FOXP1: variants seen among roughly 807,000 people sequenced by gnomAD.
The protein encoded by FOXP1 is forkhead box protein P1.
In FOXP1, 15 loss-of-function variants were observed where a neutral mutation model predicts 98.2. The observed-to-expected ratio is 0.15, with a 90% CI of 0.10 to 0.24. The LOEUF (loss-of-function observed/expected upper bound fraction) is 0.24. Among genes scored for constraint, FOXP1 ranks in the 10% least tolerant of loss-of-function variants. The pLI is 1.00. For missense variants in FOXP1, 633 were observed against 848.5 expected, an observed-to-expected ratio of 0.75 and a Z score of 3.15; for synonymous variants, 371 against 314.5, an observed-to-expected ratio of 1.18 and a Z score of -1.90.
intron 7 of FOXP1, among the ~76,000 whole-genome samples, chr3:71,076,005 C>T (rs1371165117): frequency 1.3e-5 from 2 of 152,192 alleles, no homozygotes; most frequent in African/African-American, 4.8e-5. Context: ...CAGGAGTGAG[C>T]CATTGTGCCA....
rs1176882078 is a variant in FOXP1 at position 71,047,020 on chromosome 3, G to A, written c.586C>T (p.Leu196Phe). ...AGGCCTTGGCGCTGCAAAGACAGGA[G>A]GTGCTGCTGCTGTAACTGCTGCATC... Reference protein sequence around the residue: ...LQMQQLQQQHLLSLQRQGLLT... With the variant: ...LQMQQLQQQHFLSLQRQGLLT... The change falls in exon 10 of 21, where the codon CTC becomes TTC. Residue 196 changes from leucine (L) to phenylalanine (F), a missense_variant. Leu to Phe is a conservative substitution (Grantham distance 22). This residue lies in a region of FOXP1 where 210 missense variants were observed against 270.6 expected (regional missense o/e 0.78). Transcript: ENST00000649528. 2 of 1,614,128 alleles carry A rather than the reference G, an allele frequency of 1.2e-6. No individual in the cohort carries two copies. The highest frequency in any genetic ancestry group is 2.7e-5 in the African/African-American group (2 of 75,028).
intron 6 of FOXP1, among the ~76,000 whole-genome samples, chr3:71,122,555 A>G (rs938328371): frequency 6.6e-6 from 1 of 152,230 alleles, no homozygotes; most frequent in African/African-American, 2.4e-5. Flanking sequence ...CAAGTGCAGC[A>G]TAACTTCCCT....
intron 3 of FOXP1, among the ~76,000 whole-genome samples, chr3:71,373,800 A>G (rs540608278): frequency 6.6e-6 from 1 of 152,308 alleles, no homozygotes; most frequent in South Asian, 2.1e-4. Context: ...GACACAAAGA[A>G]AAGGGTGAAC....
At position 71,041,535 on chromosome 3, in the gene FOXP1, GAAAC is replaced by G. The variant is rs1453915867; in HGVS notation, c.665-7_665-4del. The G allele has an allele frequency of 6.8e-6, 11 of 1,613,408 alleles. 1 individual carries two copies. The highest frequency in any genetic ancestry group is 2.2e-5 in the East Asian group (1 of 44,878). ...CTGCAGTTCTGTTGGAATCATGCCT[GAAAC>G]AAACAAATTGGATAATTAAATCAAT... On this transcript the variant is annotated splice_region_variant and splice_polypyrimidine_tract_variant and intron_variant, in intron 10 of 20. Transcript: ENST00000649528.
At chr3:71,027,410 T>TA (rs2046277176) in intron 11 of FOXP1, among the ~76,000 whole-genome samples, 1 of 152,206 alleles carries the variant, frequency 6.6e-6, no homozygotes, top group Non-Finnish European at 1.5e-5. Flanking sequence ...AAGGGACAAG[T>TA]TAGCCAAAGA....
intron 7 of FOXP1, among the ~76,000 whole-genome samples, chr3:71,091,470 A>T (rs1387540217): frequency 1.3e-5 from 2 of 151,922 alleles, no homozygotes; most frequent in Non-Finnish European, 1.5e-5. Context: ...AGCCTGGGTG[A>T]CAGAGCAAGA....
rs1285247967 is a variant in FOXP1 at position 71,344,172 on chromosome 3, TC to T, written c.-73+14977del. ...CAGTACTAAGAATGTTCCAGGACCTTCCCTCCTTCACAGCTACGTTTTAGGG... is the reference window on the plus strand; with the variant it reads ...CAGTACTAAGAATGTTCCAGGACCTTCCTCCTTCACAGCTACGTTTTAGGG... On this transcript the variant is annotated intron_variant, in intron 4 of 20. Coordinates refer to ENST00000649528, the MANE Select transcript of FOXP1 (RefSeq NM_001349338.3). 5.9e-5 allele frequency among the ~76,000 whole-genome samples: 9 copies of T among 152,312 alleles called. No homozygotes were observed. The East Asian group carries it at 1.7e-3, about 29-fold the overall frequency.
intron 2 of FOXP1, among the ~76,000 whole-genome samples, chr3:71,498,116 T>TA (rs1436300113): frequency 1.3e-5 from 2 of 152,184 alleles, no homozygotes; most frequent in Non-Finnish European, 2.9e-5. Flanking sequence ...TGCCACAGTC[T>TA]AGCCATGGAG....
At chr3:71,177,622 C>T (rs561657362) in intron 6 of FOXP1, among the ~76,000 whole-genome samples, 14 of 152,158 alleles carry the variant, frequency 9.2e-5, no homozygotes, top group African/African-American at 2.6e-4. Context: ...TGTGAACGAG[C>T]GTGGGCAGCT....
chr3:71,447,960 C>T (rs779972465), intron 3 of FOXP1, among the ~76,000 whole-genome samples: 2 of 152,158 alleles, frequency 1.3e-5, no homozygotes, highest in African/African-American at 2.4e-5. Flanking sequence ...ACTCATTCTT[C>T]CAGTTTTCTC....
chr3:71,203,617 A>C (rs925624695), intron 5 of FOXP1, among the ~76,000 whole-genome samples: 4 of 152,214 alleles, frequency 2.6e-5, no homozygotes, highest in Non-Finnish European at 5.9e-5. Flanking sequence ...ATTAAGGTTG[A>C]CCAAGTCAGG....
At chr3:71,043,825 A>G (rs2048671446) in intron 10 of FOXP1, among the ~76,000 whole-genome samples, 1 of 152,204 alleles carries the variant, frequency 6.6e-6, no homozygotes, top group Admixed American at 6.5e-5. Context: ...AAATAAAGAC[A>G]AAGACAAATG....
intron 7 of FOXP1, among the ~76,000 whole-genome samples, chr3:71,085,508 T>C (rs1458525940): frequency 6.6e-6 from 1 of 151,944 alleles, no homozygotes; most frequent in Non-Finnish European, 1.5e-5. Flanking sequence ...GTTTCATTTA[T>C]TTTCCTGTTA....
At chr3:71,239,919 T>C (rs930184458) in intron 5 of FOXP1, among the ~76,000 whole-genome samples, 6 of 152,140 alleles carry the variant, frequency 3.9e-5, no homozygotes, top group Non-Finnish European at 8.8e-5. Context: ...TACCAGGAAA[T>C]TTCTGCCTGT....
At position 70,976,937 on chromosome 3, in the gene FOXP1, T is replaced by C. The variant is rs746829562; in HGVS notation, c.1530+4A>G. 1.2e-6 allele frequency: 2 copies of C among 1,609,724 alleles called. No homozygotes were observed. Among genetic ancestry groups the C allele is most frequent in the South Asian group, 2.2e-5 (2 of 91,006 alleles). On this transcript the variant is annotated splice_donor_region_variant and intron_variant, in intron 17 of 20. Transcript: ENST00000649528. ...CAAGAATAAACAGGCCTGAGAAAGC[T>C]TACCTTCCACGTGGCCGCGTTGCGT...
intron 2 of FOXP1, chr3:71,567,884 T>C (rs917498012): frequency 2.0e-5 from 3 of 149,516 alleles, no homozygotes; most frequent in Non-Finnish European, 3.0e-5. Context: ...CAGGTGACAA[T>C]GAAGAAGGGC....
intron 2 of FOXP1, among the ~76,000 whole-genome samples, chr3:71,554,700 AAAT>A (rs1373143212): frequency 2.6e-5 from 4 of 152,236 alleles, no homozygotes; most frequent in African/African-American, 9.6e-5. Context: ...TGTGTTTTAA[AAAT>A]GTTAGAATCC....
intron 14 of FOXP1, among the ~76,000 whole-genome samples, chr3:70,980,130 C>T (rs1358081995): frequency 6.6e-6 from 1 of 152,034 alleles, no homozygotes; most frequent in Non-Finnish European, 1.5e-5. Flanking sequence ...CATTTGCAAA[C>T]TAAGTGTGAA....
At chr3:71,532,762 C>T (rs551034622) in intron 2 of FOXP1, among the ~76,000 whole-genome samples, 1 of 152,214 alleles carries the variant, frequency 6.6e-6, no homozygotes, top group South Asian at 2.1e-4. Context: ...CCACCTGCCC[C>T]GCCCTTCTGT....
Sources: allele counts gnomAD v4.1 joint callset (sites outside exome capture counted in the v4.1 genomes callset), GRCh38; gene constraint gnomAD v4.1.1; regional missense constraint gnomAD v4.1.1; transcripts MANE v1.5; gene names NCBI Gene and HGNC (gene_info 2026-07-23, HGNC 2026-07-21).